PCDHA11: variants seen among roughly 807,000 people sequenced by gnomAD.
PCDHA11 encodes the protein protocadherin alpha-11.
PCDHA11 carries 61 observed loss-of-function variants against 70.3 expected under a neutral mutation model. The ratio of observed to expected loss-of-function variants is 0.87; its 90% CI spans 0.71 to 1.07. PCDHA11 has a LOEUF of 1.07. Ranked by LOEUF, PCDHA11 falls within the 50% of genes least tolerant of loss-of-function variation. The pLI, the probability that PCDHA11 is intolerant of heterozygous loss-of-function variation, is 0.00. For synonymous variants in PCDHA11, 633 were observed against 555.1 expected (o/e 1.14, Z -1.97); for missense variants, 1,324 against 1,237.5 (o/e 1.07, Z -1.05).
intron 1 of PCDHA11, among the ~76,000 whole-genome samples, chr5:140,975,016 G>C (rs782435284): frequency 6.6e-6 from 1 of 152,128 alleles, no homozygotes; most frequent in Non-Finnish European, 1.5e-5. Context: ...AACACAGCTG[G>C]GCTGTGTTGT....
chr5:140,900,845 C>CT (rs1284280086), intron 1 of PCDHA11, among the ~76,000 whole-genome samples: 1 of 152,106 alleles, frequency 6.6e-6, no homozygotes, highest in Non-Finnish European at 1.5e-5. Context: ...CAAAGTTTCC[C>CT]TTTTTTTCAC....
At chr5:140,879,208 A>C (rs546096733) in intron 1 of PCDHA11, among the ~76,000 whole-genome samples, 1 of 152,362 alleles carries the variant, frequency 6.6e-6, no homozygotes, top group East Asian at 1.9e-4. Context: ...ATGGCAGTAG[A>C]AATGAATTGA....
At chr5:140,990,288 C>T (rs537252814) in intron 3 of PCDHA11, among the ~76,000 whole-genome samples, 1 of 152,226 alleles carries the variant, frequency 6.6e-6, no homozygotes, top group South Asian at 2.1e-4. Context: ...TTGAGATTAT[C>T]GATGCCATTG....
At chr5:140,978,798 G>T (rs1249216156) in intron 1 of PCDHA11, 151 bp from the exon 2 acceptor site, 2 of 1,477,414 alleles carry the variant, frequency 1.4e-6, no homozygotes, top group Admixed American at 2.3e-5. Context: ...TATATATGTA[G>T]ATATCATCAT....
In PCDHA11 at chr5:141,002,410, T is replaced by C. The variant is rs1034024595; in HGVS notation, c.2540-7217T>C. 2.2e-4 allele frequency among the ~76,000 whole-genome samples: 33 copies of C among 152,326 alleles called. 1 individual carries two copies. The highest frequency in any genetic ancestry group is 7.5e-4 in the African/African-American group (31 of 41,578). On this transcript the variant is annotated intron_variant, in intron 3 of 3. Coordinates refer to ENST00000398640, the MANE Select transcript of PCDHA11 (RefSeq NM_018902.5). The stretch of plus-strand genomic sequence containing the variant: ...TGCTGGCATCTCTGTGCCTCCCAAA[T>C]AGTAGTAACAAAACAGGCAATAACC...
chr5:140,997,984 A>G (rs1004761154), intron 3 of PCDHA11, among the ~76,000 whole-genome samples: 4 of 152,188 alleles, frequency 2.6e-5, no homozygotes, highest in Admixed American at 2.6e-4. Context: ...TGCACTTGTT[A>G]CATACTTCCC....
chr5:140,952,101 A>G (rs1451958490), intron 1 of PCDHA11, among the ~76,000 whole-genome samples: 1 of 151,950 alleles, frequency 6.6e-6, no homozygotes, highest in African/African-American at 2.4e-5. Flanking sequence ...TCCAGGGCAC[A>G]CTCGTGTGAG....
intron 3 of PCDHA11, among the ~76,000 whole-genome samples, chr5:141,000,522 G>A (rs1294045842): frequency 4.2e-5 from 6 of 143,688 alleles, no homozygotes; most frequent in African/African-American, 1.6e-4. Context: ...CCTTCTCCAG[G>A]GTTCAAGTGA....
intron 1 of PCDHA11, chr5:140,928,202 A>G: frequency 6.2e-7 from 1 of 1,614,210 alleles, no homozygotes; most frequent in Non-Finnish European, 8.5e-7. Flanking sequence ...TCAGTTGCTG[A>G]TGTGAATGAC....
intron 1 of PCDHA11, among the ~76,000 whole-genome samples, chr5:140,959,991 G>A (rs2095520706): frequency 6.6e-6 from 1 of 152,168 alleles, no homozygotes; most frequent in South Asian, 2.1e-4. Flanking sequence ...GTTGGGATAT[G>A]AAATACAAAT....
At chr5:140,921,385 A>C (rs571029849) in intron 1 of PCDHA11, among the ~76,000 whole-genome samples, 1 of 152,294 alleles carries the variant, frequency 6.6e-6, no homozygotes, top group East Asian at 1.9e-4. Flanking sequence ...CATATTTGAT[A>C]AACATTCACA....
chr5:140,905,231 A>G (rs2071692761), intron 1 of PCDHA11, among the ~76,000 whole-genome samples: 1 of 152,180 alleles, frequency 6.6e-6, no homozygotes, highest in African/African-American at 2.4e-5. Flanking sequence ...AGAGATGAGG[A>G]TCCAGTTTCA....
intron 1 of PCDHA11, among the ~76,000 whole-genome samples, chr5:140,957,344 G>A (rs994510401): frequency 5.9e-5 from 9 of 152,114 alleles, no homozygotes; most frequent in Non-Finnish European, 1.2e-4. Context: ...TATTTTGAGA[G>A]AGAGACCACA....
chr5:141,005,932 G>A (rs1588114868), intron 3 of PCDHA11, among the ~76,000 whole-genome samples: 2 of 152,074 alleles, frequency 1.3e-5, no homozygotes, highest in East Asian at 3.9e-4. Context: ...GGTTGACAGA[G>A]TGAGAACCTA....
At chr5:140,983,977 C>T (rs566705604) in intron 3 of PCDHA11, among the ~76,000 whole-genome samples, 20 of 152,234 alleles carry the variant, frequency 1.3e-4, no homozygotes, top group Non-Finnish European at 2.4e-4. Flanking sequence ...AAAAAATATA[C>T]GAGTTGAAGC....
intron 1 of PCDHA11, among the ~76,000 whole-genome samples, chr5:140,878,496 C>G (rs562678244): frequency 7.2e-5 from 11 of 152,174 alleles, no homozygotes; most frequent in Non-Finnish European, 1.6e-4. Flanking sequence ...ATTTAACCAT[C>G]TGTACGATAC....
At chr5:140,876,810 C>A in intron 1 of PCDHA11, 2 of 1,614,154 alleles carry the variant, frequency 1.2e-6, no homozygotes, top group Non-Finnish European at 1.7e-6. Flanking sequence ...TGGAGGTGGC[C>A]GACGTGAACG....
intron 1 of PCDHA11, among the ~76,000 whole-genome samples, chr5:140,895,298 C>A (rs1208960325): frequency 6.6e-6 from 1 of 151,928 alleles, no homozygotes; most frequent in Non-Finnish European, 1.5e-5. Context: ...CCTTCGATTT[C>A]CCCCCTTCCA....
At chr5:140,926,911 G>A (rs1248832475) in intron 1 of PCDHA11, 4 of 1,561,318 alleles carry the variant, frequency 2.6e-6, no homozygotes, top group Non-Finnish European at 3.5e-6. Flanking sequence ...CTGTGGGGTG[G>A]CAGTTTTATG....
Sources: allele counts gnomAD v4.1 joint callset (sites outside exome capture counted in the v4.1 genomes callset), GRCh38; gene constraint gnomAD v4.1.1; transcripts MANE v1.5; gene names NCBI Gene and HGNC (gene_info 2026-07-23, HGNC 2026-07-21).